PCDH15: variants seen among roughly 807,000 people sequenced by gnomAD.
PCDH15 encodes the protein protocadherin related 15.
Under a neutral mutation model 178.5 loss-of-function variants are expected in PCDH15, and 129 were observed. That is an observed-to-expected ratio of 0.72 (90% CI 0.63 to 0.84). The LOEUF (loss-of-function observed/expected upper bound fraction) is 0.84. Among genes scored for constraint, PCDH15 ranks in the 40% least tolerant of loss-of-function variants. The probability of loss-of-function intolerance (pLI) is 0.00; values close to 1 mark genes in which losing one functional copy is unlikely to be tolerated. For missense variants in PCDH15, 2,230 were observed against 2,099.9 expected (o/e 1.06, Z -1.21); for synonymous variants, 800 against 732.0 (o/e 1.09, Z -1.50).
chr10:54,384,036 G>A (rs1949616622), intron 3 of PCDH15, among the ~76,000 whole-genome samples: 1 of 143,118 alleles, frequency 7.0e-6, no homozygotes, highest in Non-Finnish European at 1.5e-5. Context: ...GTTCCGCCAT[G>A]TTGGCCAGGC....
intron 2 of PCDH15, among the ~76,000 whole-genome samples, chr10:54,536,654 C>T (rs1291609395): frequency 4.6e-5 from 7 of 152,096 alleles, no homozygotes; most frequent in Admixed American, 2.6e-4. Flanking sequence ...CCACCCTCTC[C>T]CCTTTTCTAG....
chr10:54,857,161 C>A (rs946010819), intron 3 of PCDH15, among the ~76,000 whole-genome samples: 2 of 152,106 alleles, frequency 1.3e-5, no homozygotes, highest in Non-Finnish European at 2.9e-5. Flanking sequence ...GCATCTATAT[C>A]ACTTATGTTA....
At chr10:54,679,286 C>T (rs2094856461) in intron 1 of PCDH15, among the ~76,000 whole-genome samples, 1 of 151,232 alleles carries the variant, frequency 6.6e-6, no homozygotes, top group African/African-American at 2.4e-5. Context: ...AAAATTTGCC[C>T]TGATGATTGG....
In PCDH15 at chr10:54,017,942, C is replaced by T. The variant is rs150255461; in HGVS notation, c.2751+2250G>A. On this transcript the variant is annotated intron_variant, in intron 20 of 37. Coordinates refer to ENST00000644397, the MANE Select transcript of PCDH15 (RefSeq NM_001384140.1). ...AGAACATTAACCTACTGGAAAAATA[C>T]AGTTATACTAATTATGTATTGGTGA... is the stretch of plus-strand genomic sequence containing the variant. 6.7e-3 allele frequency among the ~76,000 whole-genome samples: 1,023 copies of T among 152,200 alleles called. 13 individuals are homozygous for T. Among genetic ancestry groups the T allele is most frequent in the African/African-American group, 0.023 (953 of 41,536 alleles).
chr10:54,242,185 TATAC>T (rs1564770168), intron 8 of PCDH15, among the ~76,000 whole-genome samples: 19 of 79,442 alleles, frequency 2.4e-4, no homozygotes, highest in African/African-American at 7.6e-4. Context: ...TATATATATA[TATAC>T]ACACACACAC....
chr10:54,735,409 C>T (rs1943967787), intron 1 of PCDH15, among the ~76,000 whole-genome samples: 1 of 151,912 alleles, frequency 6.6e-6, no homozygotes, highest in Non-Finnish European at 1.5e-5. Context: ...GTGTTTTACA[C>T]TGTTGGTGGG....
chr10:54,107,885 G>A (rs955676326), intron 15 of PCDH15, among the ~76,000 whole-genome samples: 16 of 152,198 alleles, frequency 1.1e-4, no homozygotes, highest in African/African-American at 3.9e-4. Flanking sequence ...TCTGGAATGG[G>A]AGGTCAGAAC....
intron 2 of PCDH15, among the ~76,000 whole-genome samples, chr10:55,048,333 A>G (rs1397470606): frequency 6.6e-6 from 1 of 151,938 alleles, no homozygotes; most frequent in African/African-American, 2.4e-5. Flanking sequence ...AGGACTAAAC[A>G]TATGGTCCAA....
At chr10:54,920,392 C>T (rs1042487050) in intron 2 of PCDH15, among the ~76,000 whole-genome samples, 2 of 144,116 alleles carry the variant, frequency 1.4e-5, no homozygotes, top group African/African-American at 2.6e-5. Context: ...TGGCTTGAAC[C>T]CGGGAGGCGG....
chr10:54,617,226 G>C (rs943026035), intron 2 of PCDH15, among the ~76,000 whole-genome samples: 1 of 151,844 alleles, frequency 6.6e-6, no homozygotes, highest in Non-Finnish European at 1.5e-5. Flanking sequence ...AACATCACCA[G>C]GGTCCTAAGA....
chr10:55,146,194 A>G (rs1838506178), intron 2 of PCDH15, among the ~76,000 whole-genome samples: 1 of 152,010 alleles, frequency 6.6e-6, no homozygotes, highest in African/African-American at 2.4e-5. Context: ...TAACAGCCCT[A>G]TAACTTAGAT....
intron 15 of PCDH15, among the ~76,000 whole-genome samples, chr10:54,131,682 T>C (rs181018711): frequency 9.8e-5 from 15 of 152,286 alleles, no homozygotes; most frequent in Non-Finnish European, 4.4e-5. Flanking sequence ...AAAGTAGTAC[T>C]TGGTAATGCC....
chr10:55,278,580 C>A (rs2132254845), intron 1 of PCDH15, among the ~76,000 whole-genome samples: 1 of 152,164 alleles, frequency 6.6e-6, no homozygotes, highest in Admixed American at 6.5e-5. Flanking sequence ...AGACAATGAT[C>A]AGTTTTATCC....
chr10:55,302,081 T>C (rs779775710), intron 1 of PCDH15, among the ~76,000 whole-genome samples: 11 of 152,168 alleles, frequency 7.2e-5, no homozygotes, highest in African/African-American at 2.4e-4. Context: ...CCTTTCCATA[T>C]ACATGTTAGA....
intron 2 of PCDH15, among the ~76,000 whole-genome samples, chr10:55,590,140 AG>A (rs1842812761): frequency 6.6e-6 from 1 of 151,842 alleles, no homozygotes; most frequent in African/African-American, 2.4e-5. Flanking sequence ...GCCATAAAAA[AG>A]GATGAGTTCA....
chr10:54,451,402 G>T (rs1223772886), intron 3 of PCDH15, among the ~76,000 whole-genome samples: 1 of 151,940 alleles, frequency 6.6e-6, no homozygotes, highest in East Asian at 1.9e-4. Context: ...GTTTGGATGA[G>T]TCTGAACAAC....
At chr10:53,891,194 A>T (rs1172998384) in intron 26 of PCDH15, among the ~76,000 whole-genome samples, 1 of 152,166 alleles carries the variant, frequency 6.6e-6, no homozygotes, top group Non-Finnish European at 1.5e-5. Context: ...GACAAAAGTA[A>T]TTTTTATTTG....
At chr10:54,305,250 T>C (rs1053118332) in intron 8 of PCDH15, among the ~76,000 whole-genome samples, 2 of 152,080 alleles carry the variant, frequency 1.3e-5, no homozygotes, top group African/African-American at 2.4e-5. Context: ...ATAAGGAATA[T>C]GTAACATAAA....
intron 2 of PCDH15, among the ~76,000 whole-genome samples, chr10:55,535,045 C>T (rs1319246429): frequency 2.6e-5 from 4 of 151,966 alleles, no homozygotes; most frequent in South Asian, 2.1e-4. Flanking sequence ...ACAGATGCTG[C>T]GGACTAGTAG....
Sources: allele counts gnomAD v4.1 joint callset (sites outside exome capture counted in the v4.1 genomes callset), GRCh38; gene constraint gnomAD v4.1.1; transcripts MANE v1.5; gene names NCBI Gene and HGNC (gene_info 2026-07-23, HGNC 2026-07-21).